The following ERG variants were observed in gnomAD, a reference collection of about 807,000 sequenced individuals.
ERG encodes the protein transcriptional regulator ERG.
ERG carries 9 observed loss-of-function variants against 55.3 expected under a neutral mutation model. The ratio of observed to expected loss-of-function variants is 0.16; its 90% CI spans 0.10 to 0.28. The LOEUF (loss-of-function observed/expected upper bound fraction) is 0.28. ERG is among the 10% of genes least tolerant of loss of function. The pLI, the probability that ERG is intolerant of heterozygous loss-of-function variation, is 1.00. For missense variants in ERG, 434 were observed against 631.6 expected (o/e 0.69, Z 3.35); for synonymous variants, 223 against 237.3 (o/e 0.94, Z 0.55).
downstream of ERG, among the ~76,000 whole-genome samples, chr21:38,378,728 T>A (rs528069403): frequency 2.6e-5 from 4 of 152,310 alleles, no homozygotes; most frequent in Middle Eastern, 3.4e-3. Flanking sequence ...AAATAAGTCC[T>A]CGTTTGTGAC....
At chr21:38,387,799 T>G (rs1987771708) in intron 9 of ERG, among the ~76,000 whole-genome samples, 1 of 152,262 alleles carries the variant, frequency 6.6e-6, no homozygotes, top group Non-Finnish European at 1.5e-5. Context: ...TGCACCATTC[T>G]AAACGCTTTA....
intron 2 of ERG, among the ~76,000 whole-genome samples, chr21:38,538,283 A>G (rs908931870): frequency 1.3e-5 from 2 of 152,186 alleles, no homozygotes; most frequent in Middle Eastern, 3.2e-3. Context: ...AATGTATTTA[A>G]TACCACTCAA....
At chr21:38,544,477 C>T (rs1284562365) in intron 2 of ERG, among the ~76,000 whole-genome samples, 2 of 152,160 alleles carry the variant, frequency 1.3e-5, no homozygotes, top group Non-Finnish European at 2.9e-5. Context: ...TGGGGAGTGA[C>T]TCTTTTCAGT....
upstream of ERG, among the ~76,000 whole-genome samples, chr21:38,502,077 T>G (rs1233234938): frequency 1.3e-5 from 2 of 152,210 alleles, no homozygotes; most frequent in African/African-American, 4.8e-5. Flanking sequence ...CTCAATGTAA[T>G]ACATGCGCAG....
chr21:38,460,376 C>T lies in ERG; in HGVS notation c.19-14755G>A, dbSNP rs2059030815. Among the ~76,000 whole-genome samples the T allele has an allele frequency of 6.6e-6, 1 of 152,184 alleles. No individual in the cohort carries two copies. Among genetic ancestry groups the T allele is most frequent in the African/African-American group, 2.4e-5 (1 of 41,458 alleles). On this transcript the variant is annotated intron_variant, in intron 1 of 9. Coordinates refer to ENST00000288319, the MANE Select transcript of ERG (RefSeq NM_182918.4). This position sits in a 1 kb window ranked among gnomAD's most constrained non-coding sequence, Gnocchi z 5.0. ...CCGGGAATTGTCTTCTTCTGTGTTG[C>T]ACTAATATTTTCCATCTCATAAGGG...
rs1988547940 is a variant in ERG at position 38,402,575 on chromosome 21, T to C, written c.655A>G (p.Met219Val). The C allele has an allele frequency of 6.2e-7, 1 of 1,612,124 alleles. No individual in the cohort carries two copies. The highest frequency in any genetic ancestry group is 8.5e-7 in the Non-Finnish European group (1 of 1,179,436). ...DKALQNSPRL[M>V]HARNTGGAAF... ...GCATTACCTGTGTTTCTAGCATGCA[T>C]TAACCGTGGAGAGTTTTGTAAGGCT... The change falls in exon 5 of 10, where the codon ATG becomes GTG. Residue 219 changes from methionine (M) to valine (V), a missense_variant. Physicochemically the swap from Met to Val is conservative, Grantham distance 21 (BLOSUM62 1). Around this residue, in one of 5 missense-constraint regions of ERG, gnomAD observed 99 missense variants for 145.6 expected, o/e 0.68. Coordinates refer to ENST00000288319, the MANE Select transcript of ERG (RefSeq NM_182918.4).
At position 38,498,392 on chromosome 21, in the gene ERG, G is replaced by A. The variant is rs370462093; in HGVS notation, c.-12C>T. On this transcript the variant is annotated 5_prime_UTR_variant, in exon 1 of 10. Coordinates refer to ENST00000288319, the MANE Select transcript of ERG (RefSeq NM_182918.4). This position sits in a 1 kb window ranked among gnomAD's most constrained non-coding sequence, Gnocchi z 4.6. Reference sequence around the variant, plus strand: ...ATAGTGCTGGCCATAATGCGATCAAGTTTATTGATCGTTAATAAATGTTAA... The same window carrying A: ...ATAGTGCTGGCCATAATGCGATCAAATTTATTGATCGTTAATAAATGTTAA... 145 of 1,599,028 alleles carry A rather than the reference G, an allele frequency of 9.1e-5. No homozygotes were observed. Among genetic ancestry groups the A allele is most frequent in the Non-Finnish European group, 1.1e-4 (132 of 1,170,940 alleles).
At chr21:38,402,162 G>C (rs1471529510) in intron 5 of ERG, among the ~76,000 whole-genome samples, 1 of 152,140 alleles carries the variant, frequency 6.6e-6, no homozygotes, top group Admixed American at 6.5e-5. Flanking sequence ...GAATAAAAAT[G>C]GAAAAAATTA....
the ERG span, among the ~76,000 whole-genome samples, chr21:38,370,112 T>A: frequency 1.3e-4 from 20 of 152,136 alleles, no homozygotes; most frequent in Admixed American, 5.2e-4. Flanking sequence ...GGCTTTTTCA[T>A]ATCAGACTTT....
At chr21:38,563,097 C>G (rs562712575) in intron 2 of ERG, among the ~76,000 whole-genome samples, 12 of 152,248 alleles carry the variant, frequency 7.9e-5, no homozygotes, top group Admixed American at 7.8e-4. Context: ...GTAAAAAGAT[C>G]AGTGGTTGTC....
chr21:38,544,287 A>G (rs567586938), intron 2 of ERG, among the ~76,000 whole-genome samples: 8 of 152,350 alleles, frequency 5.3e-5, no homozygotes, highest in Middle Eastern at 3.4e-3. Flanking sequence ...TAGGGCCCTC[A>G]GGCCCTGGAG....
At chr21:38,404,223 C>T (rs905662586) in intron 3 of ERG, among the ~76,000 whole-genome samples, 4 of 152,086 alleles carry the variant, frequency 2.6e-5, no homozygotes, top group African/African-American at 4.8e-5. Flanking sequence ...ACCACAGAAT[C>T]GGAAATGAAA....
At chr21:38,600,083 C>A (rs1601297730) in intron 1 of ERG, among the ~76,000 whole-genome samples, 1 of 152,098 alleles carries the variant, frequency 6.6e-6, no homozygotes, top group South Asian at 2.1e-4. Context: ...GTGACAGGGC[C>A]AGGAAGTTTA....
Position 38,494,865 on chromosome 21 carries a change from C to G in ERG, c.18+3498G>C, listed in dbSNP as rs185042213. Among the ~76,000 whole-genome samples, 5 of 152,358 alleles carry G rather than the reference C, an allele frequency of 3.3e-5. No individual in the cohort carries two copies. In the East Asian group the frequency reaches 7.7e-4, roughly 24 times the overall value. On this transcript the variant is annotated intron_variant, in intron 1 of 9. Coordinates refer to ENST00000288319, the MANE Select transcript of ERG (RefSeq NM_182918.4). ...GCCAGGGAGAACTGTGCTGTGTCCACAGAGGGCAGCCTGGATCACAGAGCT... is the reference window on the plus strand; with the variant it reads ...GCCAGGGAGAACTGTGCTGTGTCCAGAGAGGGCAGCCTGGATCACAGAGCT...
chr21:38,624,610 A>G (rs2060313680), intron 1 of ERG, among the ~76,000 whole-genome samples: 2 of 152,146 alleles, frequency 1.3e-5, no homozygotes, highest in African/African-American at 4.8e-5. Flanking sequence ...TAGGGCTGGG[A>G]AAAAGGTTCT....
At chr21:38,371,471 C>T in the ERG span, among the ~76,000 whole-genome samples, 1 of 151,890 alleles carries the variant, frequency 6.6e-6, no homozygotes, top group African/African-American at 2.4e-5. Flanking sequence ...AAAGAAAATG[C>T]TTTTAATTAT....
intron 1 of ERG, among the ~76,000 whole-genome samples, chr21:38,635,328 A>C (rs1487148610): frequency 3.3e-5 from 5 of 152,210 alleles, no homozygotes; most frequent in Non-Finnish European, 7.3e-5. Context: ...CCCATAAAAC[A>C]TACAACACCA....
intron 1 of ERG, among the ~76,000 whole-genome samples, chr21:38,602,884 A>G (rs974264822): frequency 6.6e-6 from 1 of 152,016 alleles, no homozygotes; most frequent in African/African-American, 2.4e-5. Flanking sequence ...TCCAGTGGGA[A>G]TGAATTTCCT....
rs1406630919 is a variant in ERG at position 38,567,793 on chromosome 21, A to C, written c.-41+7869T>G. Among the ~76,000 whole-genome samples, 3 of 152,176 alleles carry C rather than the reference A, an allele frequency of 2.0e-5. No homozygotes were observed. The East Asian group carries it at 5.8e-4, about 29-fold the overall frequency. On this transcript the variant is annotated intron_variant, in intron 2 of 8. Transcript: ENST00000398897. ...ATCACCAGCCCCGAGACATCGCCTA[A>C]TCCCTTCCTCGCAAGGCAGATTCGG...
Sources: allele counts gnomAD v4.1 joint callset (sites outside exome capture counted in the v4.1 genomes callset), GRCh38; gene constraint gnomAD v4.1.1; regional missense constraint gnomAD v4.1.1; non-coding constraint Gnocchi (gnomAD v3.1); transcripts MANE v1.5; gene names NCBI Gene and HGNC (gene_info 2026-07-23, HGNC 2026-07-21).